The following ZCWPW2 variants were observed in gnomAD, a reference collection of about 807,000 sequenced individuals.
ZCWPW2 encodes zinc finger CW-type PWWP domain protein 2.
Under a neutral mutation model 46.6 loss-of-function variants are expected in ZCWPW2, and 45 were observed. The ratio of observed to expected loss-of-function variants is 0.96; its 90% CI spans 0.76 to 1.24. The LOEUF (loss-of-function observed/expected upper bound fraction) is 1.24, where lower values mean the gene tolerates loss of function less well. ZCWPW2 is among the 50% of genes most tolerant of loss of function. ZCWPW2 has a pLI of 0.00. For synonymous variants in ZCWPW2, 152 were observed against 137.1 expected (o/e 1.11, Z -0.76); for missense variants, 429 against 403.9 (o/e 1.06, Z -0.53).
chr3:28,523,591 A>G (rs1700778517), intron 9 of ZCWPW2, among the ~76,000 whole-genome samples: 1 of 152,156 alleles, frequency 6.6e-6, no homozygotes, highest in Non-Finnish European at 1.5e-5. Context: ...AGCTGTTTTC[A>G]AAGTTGTAAA....
At chr3:28,491,821 A>C (rs542894847) in intron 5 of ZCWPW2, among the ~76,000 whole-genome samples, 1 of 152,226 alleles carries the variant, frequency 6.6e-6, no homozygotes, top group African/African-American at 2.4e-5. Context: ...CAGAGCACAC[A>C]AGCTCCCCAG....
intron 2 of ZCWPW2, among the ~76,000 whole-genome samples, chr3:28,407,211 C>T (rs1696199651): frequency 6.6e-6 from 1 of 152,190 alleles, no homozygotes; most frequent in South Asian, 2.1e-4. Flanking sequence ...ATGCTAGCTG[C>T]TCCCTGCATC....
chr3:28,487,437 G>A (rs7636971), intron 5 of ZCWPW2, among the ~76,000 whole-genome samples: 4,867 of 151,956 alleles, frequency 0.032, 261 homozygotes, highest in African/African-American at 0.11. Context: ...CATTACTTTT[G>A]CTCTCAACCA....
rs150954361 is a variant in ZCWPW2, at chr3:28,378,208, A to G, written c.-133-12290A>G. On this transcript the variant is annotated intron_variant, in intron 1 of 9. Transcript: ENST00000383768. ...ACATAGGAGCGTAAATTTCTTAATT[A>G]GGTAAAAGAACGAACAGTGAAAGTT... 5.2e-3 allele frequency among the ~76,000 whole-genome samples: 798 copies of G among 152,186 alleles called. 9 individuals carry two copies. The highest frequency in any genetic ancestry group is 0.018 in the African/African-American group (762 of 41,566).
intron 5 of ZCWPW2, among the ~76,000 whole-genome samples, chr3:28,481,681 A>AT (rs1463795301): frequency 1.3e-5 from 2 of 152,076 alleles, no homozygotes; most frequent in African/African-American, 4.8e-5. Flanking sequence ...TGCTGACTGA[A>AT]TTTTCAAGTA....
At chr3:28,448,784 C>CAAAAAAAAA (rs576935771) in intron 4 of ZCWPW2, among the ~76,000 whole-genome samples, 3 of 65,358 alleles carry the variant, frequency 4.6e-5, no homozygotes, top group Admixed American at 2.0e-4. Context: ...GACTCTGTCT[C>CAAAAAAAAA]AAAAAAAAAA....
At chr3:28,381,987 G>T (rs892503466) in intron 1 of ZCWPW2, among the ~76,000 whole-genome samples, 2 of 151,726 alleles carry the variant, frequency 1.3e-5, no homozygotes, top group African/African-American at 4.8e-5. Context: ...ACATGGAGAA[G>T]CCCCATCTCT....
In ZCWPW2 at chr3:28,435,322, G is replaced by A. The variant is rs1575130884; in HGVS notation, c.492+53G>A. ...TCTTCTTGCACTTATTTTTAGTTATGGTAATTTTTATCTTTGATCATAAAA... is the reference window on the plus strand; with the variant it reads ...TCTTCTTGCACTTATTTTTAGTTATAGTAATTTTTATCTTTGATCATAAAA... On this transcript the variant is annotated intron_variant, in intron 4 of 9. Transcript: ENST00000383768. 4.0e-6 allele frequency: 6 copies of A among 1,514,056 alleles called. 1 individual carries two copies. Among genetic ancestry groups the A allele is most frequent in the South Asian group, 1.3e-5 (1 of 75,140 alleles). The allele number at this position is 1,514,056 out of a possible 1,614,324, so 93.8% of individuals were successfully genotyped here.
chr3:28,356,277 A>G (rs1358951527), intron 1 of ZCWPW2, among the ~76,000 whole-genome samples: 1 of 152,254 alleles, frequency 6.6e-6, no homozygotes, highest in Non-Finnish European at 1.5e-5. Context: ...GCCATCAGAG[A>G]AATGCAAATC....
intron 8 of ZCWPW2, among the ~76,000 whole-genome samples, chr3:28,518,080 G>A (rs1700622615): frequency 7.0e-6 from 1 of 141,892 alleles, no homozygotes; most frequent in Non-Finnish European, 1.5e-5. Flanking sequence ...GGGTTGTGGT[G>A]AGCCAAGGTT....
chr3:28,466,731 G>A (rs1559516128), intron 4 of ZCWPW2, among the ~76,000 whole-genome samples: 1 of 152,084 alleles, frequency 6.6e-6, no homozygotes, highest in Non-Finnish European at 1.5e-5. Flanking sequence ...CCCAGGAGGT[G>A]GAAGTTGCAG....
chr3:28,524,420 G>A, intron 9 of ZCWPW2, 107 bp from the exon 10 acceptor site: 1 of 1,156,196 alleles, frequency 8.6e-7, no homozygotes, highest in Non-Finnish European at 1.2e-6. Context: ...TAGAATAACA[G>A]AAAAGTTTGT....
chr3:28,413,522 T>A, intron 3 of ZCWPW2, 122 bp downstream of exon 3: 1 of 856,200 alleles, frequency 1.2e-6, no homozygotes, highest in Non-Finnish European at 1.7e-6. Flanking sequence ...TTATCATTGC[T>A]CTTTTCCATA....
At position 28,349,028 on chromosome 3, in the gene ZCWPW2, G is replaced by A. The variant is rs1452030691; in HGVS notation, c.-309G>A. 1.0e-6 allele frequency: 1 copy of A among 985,934 alleles called. No individual in the cohort carries two copies. Among genetic ancestry groups the A allele is most frequent in the African/African-American group, 1.7e-5 (1 of 57,258 alleles). 61.1% of individuals were successfully genotyped at this position (985,934 alleles called of 1,614,324 possible). The stretch of plus-strand genomic sequence containing the variant: ...CGCGGGCTCGGCGCCAGGGACGCGC[G>A]AGGAAACCGGAAGTCAGGCCCGAGG... On this transcript the variant is annotated 5_prime_UTR_variant, in exon 1 of 10. Transcript: ENST00000383768.
intron 6 of ZCWPW2, among the ~76,000 whole-genome samples, chr3:28,506,550 A>G (rs7643191): frequency 0.21 from 31,314 of 151,834 alleles, 3,613 homozygotes; most frequent in Middle Eastern, 0.28. Flanking sequence ...CCAAAAAGAT[A>G]TATCCATCTG....
chr3:28,376,585 A>ATGATTTC (rs901220773), intron 1 of ZCWPW2, among the ~76,000 whole-genome samples: 17 of 152,222 alleles, frequency 1.1e-4, no homozygotes, highest in Middle Eastern at 6.8e-3. Flanking sequence ...CTGATTCTCT[A>ATGATTTC]TACTGTCTGC....
chr3:28,490,196 A>G (rs1239818129), intron 5 of ZCWPW2, among the ~76,000 whole-genome samples: 1 of 152,166 alleles, frequency 6.6e-6, no homozygotes, highest in Non-Finnish European at 1.5e-5. Flanking sequence ...TGCAGAGAAA[A>G]GGGAATGCTA....
chr3:28,453,720 T>G (rs560337448), intron 4 of ZCWPW2, among the ~76,000 whole-genome samples: 1 of 151,890 alleles, frequency 6.6e-6, no homozygotes, highest in Non-Finnish European at 1.5e-5. Flanking sequence ...GAGAGTAACT[T>G]CTTGTTACAT....
intron 5 of ZCWPW2, among the ~76,000 whole-genome samples, chr3:28,480,468 G>A (rs1352756025): frequency 2.0e-5 from 3 of 151,578 alleles, no homozygotes; most frequent in African/African-American, 7.3e-5. Flanking sequence ...TTAGACCTTT[G>A]TCAGATGGTG....
Sources: allele counts gnomAD v4.1 joint callset (sites outside exome capture counted in the v4.1 genomes callset), GRCh38; gene constraint gnomAD v4.1.1; transcripts MANE v1.5; gene names NCBI Gene and HGNC (gene_info 2026-07-23, HGNC 2026-07-21).